TRIO: variants seen among roughly 807,000 people sequenced by gnomAD.
TRIO encodes the protein trio Rho guanine nucleotide exchange factor.
A neutral mutation model predicts 351.9 loss-of-function variants in TRIO; 58 were observed. The observed-to-expected ratio is 0.16, with a 90% CI of 0.13 to 0.21. The LOEUF (loss-of-function observed/expected upper bound fraction) is 0.21, where lower values mean the gene tolerates loss of function less well. TRIO is among the 10% of genes least tolerant of loss of function. The pLI is 1.00. For missense variants in TRIO, 3,201 were observed against 4,027.8 expected, an observed-to-expected ratio of 0.79 and a Z score of 5.56; for synonymous variants, 1,758 against 1,595.7, an observed-to-expected ratio of 1.10 and a Z score of -2.42.
At chr5:14,322,749 T>C (rs1739999495) in intron 9 of TRIO, among the ~76,000 whole-genome samples, 1 of 152,250 alleles carries the variant, frequency 6.6e-6, no homozygotes, top group African/African-American at 2.4e-5. Context: ...CCTAGCTGTT[T>C]AACACTTGCT....
At chr5:14,425,987 A>T (rs1436431934) in intron 34 of TRIO, among the ~76,000 whole-genome samples, 1 of 151,988 alleles carries the variant, frequency 6.6e-6, no homozygotes, top group Non-Finnish European at 1.5e-5. Flanking sequence ...GAGGCTGCCC[A>T]CTCAGTTTTG....
chr5:14,396,982 A>G (rs1579531905), intron 28 of TRIO, 61 bp from the exon 29 acceptor site: 1 of 1,436,888 alleles, frequency 7.0e-7, no homozygotes, highest in East Asian at 2.3e-5. Flanking sequence ...TGTTTCTGCC[A>G]AGGTCTTATT....
intron 7 of TRIO, among the ~76,000 whole-genome samples, chr5:14,300,019 G>A (rs1374897326): frequency 6.6e-6 from 1 of 152,224 alleles, no homozygotes; most frequent in African/African-American, 2.4e-5. Context: ...CCATAGATGT[G>A]TCAGCCAGTC....
chr5:14,465,521 T>A, intron 36 of TRIO, 24 bp from the exon 37 acceptor site: 11 of 1,588,670 alleles, frequency 6.9e-6, no homozygotes, highest in East Asian at 2.2e-5. Context: ...CCCCACCCCC[T>A]CCTTTTCTTA....
At chr5:14,401,428 T>C (rs1328141539) in intron 31 of TRIO, among the ~76,000 whole-genome samples, 1 of 152,160 alleles carries the variant, frequency 6.6e-6, no homozygotes. Flanking sequence ...TTGACCTGTT[T>C]CGAAAGGAAA....
At chr5:14,374,489 T>TA (rs1215848922) in intron 19 of TRIO, 146 bp downstream of exon 19, 1 of 496,508 alleles carries the variant, frequency 2.0e-6, no homozygotes, top group East Asian at 3.4e-5. Context: ...CTAATGATCT[T>TA]AGTTTAATAA....
chr5:14,468,322 C>T (rs887368623), intron 37 of TRIO, among the ~76,000 whole-genome samples: 4 of 152,258 alleles, frequency 2.6e-5, no homozygotes, highest in Admixed American at 2.6e-4. Context: ...GTCAGATAGA[C>T]TTGGGTTCAC....
rs1019987402 is a variant in TRIO at position 14,504,789 on chromosome 5, G to C, written c.8612+196G>C. On this transcript the variant is annotated intron_variant, in intron 55 of 56. Transcript: ENST00000344204. The stretch of plus-strand genomic sequence containing the variant: ...CAGAAAGCAGTGTGGTCTTCCACAG[G>C]GCGGTTGCCTGATGAAGGGCAGTCA... 7.3e-6 allele frequency: 5 copies of C among 686,790 alleles called. No individual in the cohort carries two copies. In the African/African-American group the frequency reaches 9.0e-5, roughly 12 times the overall value. 42.5% of individuals were successfully genotyped at this position (686,790 alleles called of 1,614,324 possible).
chr5:14,269,507 T>A (rs1795867687), intron 1 of TRIO, among the ~76,000 whole-genome samples: 2 of 152,204 alleles, frequency 1.3e-5, no homozygotes, highest in African/African-American at 2.4e-5. Context: ...TTAGCAGGGC[T>A]GCTTGGAATT....
intron 1 of TRIO, among the ~76,000 whole-genome samples, chr5:14,203,650 T>C (rs888100324): frequency 6.6e-6 from 1 of 152,238 alleles, no homozygotes; most frequent in African/African-American, 2.4e-5. Context: ...TTGTCCGGTG[T>C]GGCGTTCAGT....
chr5:14,369,492 A>G lies in TRIO; in HGVS notation c.3185A>G (p.Lys1062Arg). The G allele has an allele frequency of 6.2e-7, 1 of 1,614,100 alleles. No individual in the cohort carries two copies. Among genetic ancestry groups the G allele is most frequent in the Non-Finnish European group, 8.5e-7 (1 of 1,180,018 alleles). The change falls in exon 18 of 57, where the codon AAG (lysine) becomes AGG (arginine). Residue 1062 changes from lysine to arginine, a missense_variant. Transcript: ENST00000344204. ...GACCACGTGACGCCCATGATCAGCAAGCACCTGGAGCAGAAGGAGGCATTC... is the reference window on the plus strand; with the variant it reads ...GACCACGTGACGCCCATGATCAGCAGGCACCTGGAGCAGAAGGAGGCATTC... The part of the protein sequence containing the change: ...ETDHVTPMIS[K>R]HLEQKEAFLK...
At chr5:14,326,587 G>A (rs1740410833) in intron 9 of TRIO, among the ~76,000 whole-genome samples, 1 of 152,188 alleles carries the variant, frequency 6.6e-6, no homozygotes, top group South Asian at 2.1e-4. Context: ...CGTGGGAAGG[G>A]ATCAGCTTTT....
Position 14,299,588 on chromosome 5 carries a change from G to A in TRIO, c.1368+2325G>A, listed in dbSNP as rs188210360. ...TGAAATTCTGATGCTCCTCACTAAAGTAGTTTTCTTTTCCCAAGAGAGCAA... is the reference window on the plus strand; with the variant it reads ...TGAAATTCTGATGCTCCTCACTAAAATAGTTTTCTTTTCCCAAGAGAGCAA... On this transcript the variant is annotated intron_variant, in intron 7 of 56. Coordinates refer to ENST00000344204, the MANE Select transcript of TRIO (RefSeq NM_007118.4). Among the ~76,000 whole-genome samples the A allele has an allele frequency of 3.9e-5, 6 of 152,298 alleles. No individual in the cohort carries two copies. In the East Asian group the frequency reaches 1.2e-3, roughly 29 times the overall value.
In TRIO at chr5:14,304,537, A is replaced by G. The variant is rs774362448; in HGVS notation, c.1445A>G (p.Asp482Gly). Reference sequence around the variant, plus strand: ...CCCTCAGAGCTGCAGGACCTAGAAGATGCCATTCATCACCACCAGGGAATA... The same window carrying G: ...CCCTCAGAGCTGCAGGACCTAGAAGGTGCCATTCATCACCACCAGGGAATA... ...DLPSELQDLE[D>G]AIHHHQGIYE... is the part of the protein sequence containing the mutation. Residue 482 changes from aspartate (D) to glycine (G), a missense_variant, in exon 8 of 57, where the codon GAT (aspartate) becomes GGT (glycine). This residue lies in a region of TRIO where 349 missense variants were observed against 449.3 expected (regional missense o/e 0.78). Coordinates refer to ENST00000344204, the MANE Select transcript of TRIO (RefSeq NM_007118.4). The G allele has an allele frequency of 6.2e-7, 1 of 1,614,164 alleles. No individual in the cohort carries two copies. The highest frequency in any genetic ancestry group is 2.2e-5 in the East Asian group (1 of 44,888).
chr5:14,302,597 T>C (rs1350982096), intron 7 of TRIO, among the ~76,000 whole-genome samples: 1 of 152,230 alleles, frequency 6.6e-6, no homozygotes, highest in Non-Finnish European at 1.5e-5. Flanking sequence ...CCGTAAGGTC[T>C]GCATAGATAT....
intron 27 of TRIO, among the ~76,000 whole-genome samples, chr5:14,393,816 C>T (rs1349918611): frequency 6.6e-6 from 1 of 152,190 alleles, no homozygotes; most frequent in Non-Finnish European, 1.5e-5. Flanking sequence ...TAAGGTAGAT[C>T]CTCCTGCTCC....
intron 16 of TRIO, among the ~76,000 whole-genome samples, chr5:14,367,771 A>T (rs1325433302): frequency 6.6e-6 from 1 of 152,208 alleles, no homozygotes; most frequent in Non-Finnish European, 1.5e-5. Flanking sequence ...CCACTAATTT[A>T]TTCCCTGGAT....
intron 1 of TRIO, among the ~76,000 whole-genome samples, chr5:14,218,785 TG>T: frequency 6.6e-6 from 1 of 152,188 alleles, no homozygotes; most frequent in East Asian, 1.9e-4. Flanking sequence ...CTGCATTAGA[TG>T]GGGCACCAAT....
intron 18 of TRIO, among the ~76,000 whole-genome samples, chr5:14,371,452 G>A (rs1336640606): frequency 6.6e-6 from 1 of 152,040 alleles, no homozygotes; most frequent in African/African-American, 2.4e-5. Flanking sequence ...ATCAATGTAT[G>A]GGCATATATC....
Sources: allele counts gnomAD v4.1 joint callset (sites outside exome capture counted in the v4.1 genomes callset), GRCh38; gene constraint gnomAD v4.1.1; regional missense constraint gnomAD v4.1.1; transcripts MANE v1.5; gene names NCBI Gene and HGNC (gene_info 2026-07-23, HGNC 2026-07-21).